C12orf56: variants seen among roughly 807,000 people sequenced by gnomAD.
C12orf56 encodes the protein uncharacterized protein C12orf56.
Under a neutral mutation model 69.9 loss-of-function variants are expected in C12orf56, and 71 were observed. That is an observed-to-expected ratio of 1.02 (90% CI 0.84 to 1.24). C12orf56 has a LOEUF of 1.24. C12orf56 is among the 50% of genes most tolerant of loss of function. C12orf56 has a pLI of 0.00. For missense variants in C12orf56, 732 were observed against 738.5 expected, an observed-to-expected ratio of 0.99 and a Z score of 0.10; for synonymous variants, 276 against 274.1, an observed-to-expected ratio of 1.01 and a Z score of -0.07.
At chr12:64,297,147 G>C (rs2038377373) in intron 6 of C12orf56, among the ~76,000 whole-genome samples, 2 of 151,996 alleles carry the variant, frequency 1.3e-5, no homozygotes, top group South Asian at 4.1e-4. Context: ...GCATAAAGTT[G>C]AAAAACCACT....
In C12orf56 at chr12:64,353,062, A is replaced by G. The variant is rs542116572; in HGVS notation, c.253-6T>C. On this transcript the variant is annotated splice_region_variant and splice_polypyrimidine_tract_variant and intron_variant, in intron 1 of 12. Transcript: ENST00000543942. ...AATTCCGGGTAATCATCAATCTGGA[A>G]AAAAAATTAATTCACCTCATTGAAG... is the stretch of plus-strand genomic sequence containing the variant. The G allele has an allele frequency of 6.2e-7, 1 of 1,610,272 alleles. No homozygotes were observed. Among genetic ancestry groups the G allele is most frequent in the African/African-American group, 1.3e-5 (1 of 74,806 alleles).
chr12:64,382,804 C>T (rs1326938447), intron 1 of C12orf56, among the ~76,000 whole-genome samples: 3 of 145,612 alleles, frequency 2.1e-5, no homozygotes, highest in Non-Finnish European at 3.0e-5. Flanking sequence ...ACCCGGGAGG[C>T]GGAGTGCAGT....
At chr12:64,337,076 G>A (rs1464567571) in intron 2 of C12orf56, among the ~76,000 whole-genome samples, 2 of 152,124 alleles carry the variant, frequency 1.3e-5, no homozygotes, top group African/African-American at 4.8e-5. Flanking sequence ...CAAAGTCCAT[G>A]TTCTTTTTCT....
chr12:64,269,415 C>T (rs972497042), intron 12 of C12orf56, among the ~76,000 whole-genome samples: 5 of 152,090 alleles, frequency 3.3e-5, no homozygotes, highest in African/African-American at 1.2e-4. Flanking sequence ...CAGATGAAGC[C>T]AATGCTGGCT....
At position 64,267,580 on chromosome 12, in the gene C12orf56, A is replaced by G. The variant is rs2037932285; in HGVS notation, c.1764-292T>C. The G allele has an allele frequency of 3.4e-5, 12 of 351,542 alleles. 1 individual carries two copies. The South Asian group carries it at 4.3e-4, about 13-fold the overall frequency. The allele number at this position is 351,542 out of a possible 1,614,324, so 21.8% of individuals were successfully genotyped here. ...GCTCCTGCTTCTTGGTTTATCAGGC[A>G]ATGCGCAGTGAGGTGTTGAAATGAA... is the stretch of plus-strand genomic sequence containing the variant. On this transcript the variant is annotated intron_variant, in intron 12 of 12. Transcript: ENST00000543942.
intron 8 of C12orf56, among the ~76,000 whole-genome samples, chr12:64,283,262 T>G (rs1284278200): frequency 6.6e-6 from 1 of 152,192 alleles, no homozygotes; most frequent in Non-Finnish European, 1.5e-5. Flanking sequence ...GAGAATCACT[T>G]GAACCCAGGA....
chr12:64,309,857 CA>C (rs2038582358), intron 5 of C12orf56, among the ~76,000 whole-genome samples: 1 of 152,048 alleles, frequency 6.6e-6, no homozygotes, highest in South Asian at 2.1e-4. Context: ...ACCGTTTTAA[CA>C]AAAATACTTC....
intron 5 of C12orf56, among the ~76,000 whole-genome samples, chr12:64,307,848 A>T (rs117438809): frequency 0.031 from 4,655 of 151,010 alleles, 80 homozygotes; most frequent in Middle Eastern, 0.044. Flanking sequence ...ATAAATAAAT[A>T]AATAAATTAA....
chr12:64,384,833 C>T lies in C12orf56; in HGVS notation c.252+5481G>A, dbSNP rs574284175. Reference sequence around the variant, plus strand: ...CTTTGGGAGGCCGAGGTGGGCAGATCGCCTCAGGTTAGGATTTCGAGACTG... The same window carrying T: ...CTTTGGGAGGCCGAGGTGGGCAGATTGCCTCAGGTTAGGATTTCGAGACTG... On this transcript the variant is annotated intron_variant, in intron 1 of 12. Coordinates refer to ENST00000543942, the MANE Select transcript of C12orf56 (RefSeq NM_001170633.2). 3.0e-3 allele frequency among the ~76,000 whole-genome samples: 450 copies of T among 152,192 alleles called. 2 individuals are homozygous for T. The highest frequency in any genetic ancestry group is 9.9e-3 in the African/African-American group (413 of 41,534).
rs1555186156 is a variant in C12orf56, at chr12:64,286,077, G to GA, written c.1114-18dup. 6.8e-7 allele frequency: 1 copy of GA among 1,475,200 alleles called. No homozygotes were observed. 91.4% of individuals were successfully genotyped at this position (1,475,200 alleles called of 1,614,324 possible). The stretch of plus-strand genomic sequence containing the variant: ...GTCACTGGTCTGTGAAAGCAAGTTG[G>GA]AAAAAAAGACAGTAATTAAGGTATC... On this transcript the variant is annotated splice_polypyrimidine_tract_variant and intron_variant, in intron 6 of 12. Coordinates refer to ENST00000543942, the MANE Select transcript of C12orf56 (RefSeq NM_001170633.2).
At chr12:64,342,482 G>C (rs1476199488) in intron 2 of C12orf56, among the ~76,000 whole-genome samples, 1 of 152,206 alleles carries the variant, frequency 6.6e-6, no homozygotes, top group African/African-American at 2.4e-5. Context: ...GGAACTCCCC[G>C]TGAGGCCAGT....
intron 3 of C12orf56, among the ~76,000 whole-genome samples, chr12:64,327,192 T>C (rs1201778822): frequency 6.6e-6 from 1 of 151,488 alleles, no homozygotes; most frequent in Non-Finnish European, 1.5e-5. Context: ...AGAAATACAT[T>C]TTTTTCCTTA....
chr12:64,288,741 T>G (rs1463650639), intron 6 of C12orf56, among the ~76,000 whole-genome samples: 1 of 145,888 alleles, frequency 6.9e-6, no homozygotes, highest in Non-Finnish European at 1.5e-5. Flanking sequence ...CATGCTGTTT[T>G]GGTTACTGTA....
chr12:64,325,677 G>C lies in C12orf56; in HGVS notation c.488+5283C>G, dbSNP rs192209225. On this transcript the variant is annotated intron_variant, in intron 3 of 12. Coordinates refer to ENST00000543942, the MANE Select transcript of C12orf56 (RefSeq NM_001170633.2). ...TGGCCTGAAACAGCAGGCTCCCAAA[G>C]GCAGAAGCCAAAAGAAGGGGAGACT... 9.8e-4 allele frequency among the ~76,000 whole-genome samples: 149 copies of C among 152,218 alleles called. 1 individual carries two copies. In the Middle Eastern group the frequency reaches 0.01, roughly 10 times the overall value.
At position 64,285,205 on chromosome 12, in the gene C12orf56, A is replaced by G. The variant is rs1310024705; in HGVS notation, c.1221-452T>C. On this transcript the variant is annotated intron_variant, in intron 7 of 12. Transcript: ENST00000543942. ...TTTCTAAAAAAAAAAAAAAGAAAAA[A>G]ATTGTTGAATGAATGAATAGCTGGA... Among the ~76,000 whole-genome samples the G allele has an allele frequency of 4.6e-5, 7 of 152,124 alleles. No individual in the cohort carries two copies. In the East Asian group the frequency reaches 1.3e-3, roughly 29 times the overall value.
In C12orf56 at chr12:64,318,884, T is replaced by C. The variant is rs1226546559; in HGVS notation, c.585A>G (p.Arg195=). 6.5e-7 allele frequency: 1 copy of C among 1,536,764 alleles called. No individual in the cohort carries two copies. Among genetic ancestry groups the C allele is most frequent in the Non-Finnish European group, 8.7e-7 (1 of 1,146,828 alleles). The change falls in exon 4 of 13, where the codon CGA becomes CGG. Residue 195 remains arginine (R), a synonymous_variant. Coordinates refer to ENST00000543942, the MANE Select transcript of C12orf56 (RefSeq NM_001170633.2). ...KLSLHGQGAF[R]PLPSPSRRSS... ...TCCTCCTGGAGGGGGAAGGTAGGGGTCGAAAGGCACCTTGGCCATGAAGGG... is the reference window on the plus strand; with the variant it reads ...TCCTCCTGGAGGGGGAAGGTAGGGGCCGAAAGGCACCTTGGCCATGAAGGG...
intron 5 of C12orf56, among the ~76,000 whole-genome samples, chr12:64,312,359 C>A (rs1190253396): frequency 6.6e-6 from 1 of 152,098 alleles, no homozygotes. Flanking sequence ...GCAATCCCAG[C>A]ACTTTGGGAG....
intron 9 of C12orf56, among the ~76,000 whole-genome samples, chr12:64,276,201 CTAGGTGT>C (rs2038049272): frequency 6.6e-6 from 1 of 152,138 alleles, no homozygotes; most frequent in Non-Finnish European, 1.5e-5. Context: ...AGACACCATG[CTAGGTGT>C]TGGGGACGCA....
rs1225532902 is a variant in C12orf56, at chr12:64,366,188, G to A, written c.253-13132C>T. On this transcript the variant is annotated intron_variant, in intron 1 of 12. Coordinates refer to ENST00000543942, the MANE Select transcript of C12orf56 (RefSeq NM_001170633.2). ...GTATAATATATAGTTTATATATTATGTATAATATATAGCTTGTATAATATA... is the reference window on the plus strand; with the variant it reads ...GTATAATATATAGTTTATATATTATATATAATATATAGCTTGTATAATATA... Among the ~76,000 whole-genome samples the A allele has an allele frequency of 3.2e-4, 38 of 120,116 alleles. No individual in the cohort carries two copies. In the South Asian group the frequency reaches 4.7e-3, roughly 15 times the overall value. The allele number at this position is 120,116 out of a possible 152,430, so 78.8% of individuals were successfully genotyped here.
Sources: gnomAD v4.1 joint callset for allele counts (sites outside exome capture counted in the v4.1 genomes callset) on GRCh38, gnomAD v4.1.1 for gene constraint, MANE v1.5 for transcripts, NCBI Gene and HGNC (gene_info 2026-07-23, HGNC 2026-07-21) for gene names.